MYLIP: variants seen among roughly 807,000 people sequenced by gnomAD.
MYLIP encodes the protein myosin regulatory light chain interacting protein.
A neutral mutation model predicts 45.8 loss-of-function variants in MYLIP; 26 were observed. The observed-to-expected ratio is 0.57, with a 90% CI of 0.42 to 0.79. The LOEUF (loss-of-function observed/expected upper bound fraction) is 0.79, where lower values mean the gene tolerates loss of function less well. MYLIP is among the 30% of genes least tolerant of loss of function. The pLI is 0.00. For missense variants in MYLIP, 494 were observed against 555.6 expected (o/e 0.89, Z 1.11); for synonymous variants, 213 against 218.1 (o/e 0.98, Z 0.21).
chr6:16,146,918 A>G lies in MYLIP; in HGVS notation c.*167A>G, dbSNP rs1759804523. Reference sequence around the variant, plus strand: ...AACACAGCTACTCCTCACTGCAAAAACATATCCATGCGTAGAATCAACAAC... The same window carrying G: ...AACACAGCTACTCCTCACTGCAAAAGCATATCCATGCGTAGAATCAACAAC... On this transcript the variant is annotated 3_prime_UTR_variant, in exon 7 of 7. Coordinates refer to ENST00000356840, the MANE Select transcript of MYLIP (RefSeq NM_013262.4). The G allele has an allele frequency of 3.5e-6, 2 of 575,176 alleles. No homozygotes were observed. The highest frequency in any genetic ancestry group is 5.8e-5 in the East Asian group (2 of 34,282). 35.6% of individuals were successfully genotyped at this position (575,176 alleles called of 1,614,324 possible). A position where few individuals can be genotyped will look rare whatever the true frequency, so the allele number is the denominator to read the frequency against.
chr6:16,143,412 G>A (rs1472028909), intron 4 of MYLIP, among the ~76,000 whole-genome samples, 195 bp downstream of exon 4: 2 of 152,188 alleles, frequency 1.3e-5, no homozygotes, highest in Non-Finnish European at 2.9e-5. Context: ...ATGTGGCAGA[G>A]TTAACGTTTT....
chr6:16,141,471 C>G (rs907764001), intron 2 of MYLIP, 154 bp from the exon 3 acceptor site: 3 of 661,748 alleles, frequency 4.5e-6, no homozygotes, highest in African/African-American at 3.6e-5. Flanking sequence ...TGCCTTAATA[C>G]TGATGATTTT....
chr6:16,139,074 T>C (rs1759611743), intron 2 of MYLIP, among the ~76,000 whole-genome samples: 1 of 152,182 alleles, frequency 6.6e-6, no homozygotes, highest in African/African-American at 2.4e-5. Flanking sequence ...AAACTCTTCT[T>C]ACTATCTAAT....
chr6:16,142,139 G>C (rs1759687038), intron 3 of MYLIP, among the ~76,000 whole-genome samples: 1 of 152,354 alleles, frequency 6.6e-6, no homozygotes, highest in East Asian at 1.9e-4. Context: ...TATATTCATA[G>C]AGCTATCAAA....
chr6:16,145,938 A>T (rs1485462981), intron 6 of MYLIP, among the ~76,000 whole-genome samples: 1 of 152,134 alleles, frequency 6.6e-6, no homozygotes, highest in Non-Finnish European at 1.5e-5. Flanking sequence ...AAGTTTTTTC[A>T]ATTTGTTTTT....
intron 6 of MYLIP, 97 bp downstream of exon 6, chr6:16,145,414 G>A (rs1176384494): frequency 2.1e-5 from 28 of 1,359,424 alleles, no homozygotes; most frequent in South Asian, 4.5e-5. Context: ...ATGCACAGAC[G>A]GGGAATGCCC....
At chr6:16,152,368 G>T (rs945006266), downstream of MYLIP, among the ~76,000 whole-genome samples, 102 of 152,212 alleles carry the variant, frequency 6.7e-4, no homozygotes, top group African/African-American at 2.4e-3. Flanking sequence ...CTAGGGCAGT[G>T]GTTCTGGTTC....
intron 4 of MYLIP, 126 bp from the exon 5 acceptor site, chr6:16,143,573 A>C: frequency 1.0e-6 from 1 of 960,490 alleles, no homozygotes; most frequent in Non-Finnish European, 1.5e-6. Flanking sequence ...TGGTGATGTG[A>C]TAACCCCAGA....
chr6:16,159,288 G>A, the MYLIP span, among the ~76,000 whole-genome samples: 1 of 152,152 alleles, frequency 6.6e-6, no homozygotes, highest in Non-Finnish European at 1.5e-5. Flanking sequence ...TTGCACAAAG[G>A]CACTCTACAA....
At chr6:16,156,932 G>A in the MYLIP span, among the ~76,000 whole-genome samples, 2 of 152,140 alleles carry the variant, frequency 1.3e-5, no homozygotes, top group African/African-American at 4.8e-5. Flanking sequence ...TCTGCTCAGG[G>A]CACTCCCTGT....
chr6:16,145,707 A>AAG (rs1482087860), intron 6 of MYLIP, among the ~76,000 whole-genome samples: 3 of 152,024 alleles, frequency 2.0e-5, no homozygotes, highest in Non-Finnish European at 4.4e-5. Context: ...ATTACTTAAG[A>AAG]TATTTGGGAA....
At chr6:16,149,577 T>G (rs1581611527), downstream of MYLIP, among the ~76,000 whole-genome samples, 2 of 152,240 alleles carry the variant, frequency 1.3e-5, no homozygotes, top group South Asian at 4.1e-4. Context: ...TGAAGGAACA[T>G]GTGATGTAGA....
rs1226033091 is a variant in MYLIP at position 16,129,871 on chromosome 6, CGCTGCTTCTCAG to C, written c.87+469_87+480del. Among the ~76,000 whole-genome samples, 4 of 152,216 alleles carry C rather than the reference CGCTGCTTCTCAG, an allele frequency of 2.6e-5. No individual in the cohort carries two copies. Among genetic ancestry groups the C allele is most frequent in the Non-Finnish European group, 5.9e-5 (4 of 68,036 alleles). On this transcript the variant is annotated intron_variant, in intron 1 of 6. Coordinates refer to ENST00000356840, the MANE Select transcript of MYLIP (RefSeq NM_013262.4). This position sits in a 1 kb window ranked among gnomAD's most constrained non-coding sequence, Gnocchi z 5.1. ...GCAGACAAGCCGGGCCCTTGTCTCA[CGCTGCTTCTCAG>C]GCTGCTGCTCTCAAATGCACCGTTC...
chr6:16,130,671 G>A lies in MYLIP; in HGVS notation c.202G>A (p.Gly68Arg), dbSNP rs371333019. 5.6e-6 allele frequency: 9 copies of A among 1,614,068 alleles called. No homozygotes were observed. The highest frequency in any genetic ancestry group is 7.6e-6 in the Non-Finnish European group (9 of 1,180,042). Residue 68 changes from glycine (G) to arginine (R), a missense_variant, in exon 2 of 7, where the codon GGG (glycine) becomes AGG (arginine). Transcript: ENST00000356840. ...LRNRISQQMD[G>R]LAPYRLKLRV... ...AAACCGGATCTCCCAGCAGATGGAT[G>A]GGCTAGCCCCTTACAGGCTTAAACT...
intron 2 of MYLIP, among the ~76,000 whole-genome samples, chr6:16,138,489 T>G (rs1759601655): frequency 6.6e-6 from 1 of 152,184 alleles, no homozygotes; most frequent in Non-Finnish European, 1.5e-5. Flanking sequence ...TCCTCTGTCT[T>G]GGAAAGAGCC....
the MYLIP span, among the ~76,000 whole-genome samples, chr6:16,156,427 G>A: frequency 6.6e-6 from 1 of 152,214 alleles, no homozygotes; most frequent in Admixed American, 6.5e-5. Flanking sequence ...GAACCATGAA[G>A]GTAAATTTCA....
intron 2 of MYLIP, among the ~76,000 whole-genome samples, chr6:16,135,782 T>TATATAC (rs1759543874): frequency 2.1e-5 from 3 of 145,444 alleles, no homozygotes; most frequent in South Asian, 4.3e-4. Flanking sequence ...TATATATGTA[T>TATATAC]GCTATATATT....
the MYLIP span, chr6:16,161,204 G>A: frequency 3.8e-6 from 1 of 262,894 alleles, no homozygotes; most frequent in Non-Finnish European, 7.5e-6. Flanking sequence ...AGAGCCTCTC[G>A]CTCTGGTTGC....
chr6:16,138,320 CAAA>C (rs78468965), intron 2 of MYLIP, among the ~76,000 whole-genome samples: 1 of 133,420 alleles, frequency 7.5e-6, no homozygotes, highest in Non-Finnish European at 1.6e-5. Flanking sequence ...GCCTACTTTA[CAAA>C]AAAAAAAAGG....
Sources: allele counts gnomAD v4.1 joint callset (sites outside exome capture counted in the v4.1 genomes callset), GRCh38; gene constraint gnomAD v4.1.1; non-coding constraint Gnocchi (gnomAD v3.1); transcripts MANE v1.5; gene names NCBI Gene and HGNC (gene_info 2026-07-23, HGNC 2026-07-21).